SPIRE2: variants seen among roughly 807,000 people sequenced by gnomAD.
SPIRE2 encodes the protein protein spire homolog 2.
A neutral mutation model predicts 80.7 loss-of-function variants in SPIRE2; 76 were observed. That is an observed-to-expected ratio of 0.94 (90% CI 0.78 to 1.14). SPIRE2 has a LOEUF of 1.14. Ranked by LOEUF, SPIRE2 falls within the 50% of genes most tolerant of loss-of-function variation. The pLI, the probability that SPIRE2 is intolerant of heterozygous loss-of-function variation, is 0.00. For synonymous variants in SPIRE2, 535 were observed against 432.6 expected (o/e 1.24, Z -2.94); for missense variants, 1,196 against 1,015.3 (o/e 1.18, Z -2.42).
chr16:89,854,570 C>A lies in SPIRE2; in HGVS notation c.810C>A (p.Leu270=), dbSNP rs377704786. 2 of 1,612,660 alleles carry A rather than the reference C, an allele frequency of 1.2e-6. No individual in the cohort carries two copies. Among genetic ancestry groups the A allele is most frequent in the African/African-American group, 2.7e-5 (2 of 74,932 alleles). ...TGCAAGAGCAGGAGTTCAACCCCCT[C>A]CCCACCGAGTTCCAGCTCACGCCCT... is the stretch of plus-strand genomic sequence containing the variant. ...KKVQEQEFNP[L]PTEFQLTPFE... Residue 270 remains leucine, a synonymous_variant, in exon 5 of 15, where the codon CTC becomes CTA. Transcript: ENST00000378247.
At chr16:89,859,762 T>C (rs1343939580) in intron 9 of SPIRE2, among the ~76,000 whole-genome samples, 2 of 152,058 alleles carry the variant, frequency 1.3e-5, no homozygotes, top group Non-Finnish European at 2.9e-5. Flanking sequence ...TTCGACTCCT[T>C]TTCGCGCTGC....
At chr16:89,829,525 A>C (rs902852159) in intron 1 of SPIRE2, among the ~76,000 whole-genome samples, 1 of 152,234 alleles carries the variant, frequency 6.6e-6, no homozygotes, top group Non-Finnish European at 1.5e-5. Flanking sequence ...GGGCAGAGGC[A>C]GGCTGTGTGT....
At chr16:89,849,958 C>A (rs1266039008) in intron 2 of SPIRE2, 1 of 391,796 alleles carries the variant, frequency 2.6e-6, no homozygotes, top group African/African-American at 2.1e-5. Context: ...CTGCCTCAGC[C>A]TCCCAAGTAA....
rs1318620243 is a variant in SPIRE2, at chr16:89,863,631, G to A, written c.1710+21G>A. ...GGAAGGTGAGGCTGCCTAGACGTGG[G>A]GCTACGCTCTTGCCCGCTGGGTCAG... On this transcript the variant is annotated intron_variant, in intron 11 of 14. Transcript: ENST00000378247. The surrounding 1 kb of genome is among the most constrained non-coding windows in gnomAD (Gnocchi z 4.3). 1 of 1,613,900 alleles carries A rather than the reference G, an allele frequency of 6.2e-7. No individual in the cohort carries two copies. The highest frequency in any genetic ancestry group is 1.3e-5 in the African/African-American group (1 of 74,928).
intron 2 of SPIRE2, chr16:89,846,810 C>G (rs1190882248): frequency 8.6e-6 from 1 of 116,720 alleles, no homozygotes; most frequent in Non-Finnish European, 1.7e-5. Flanking sequence ...CACGCCCAGC[C>G]TTTTTTTTTT....
Position 89,859,162 on chromosome 16 carries a change from C to T in SPIRE2, c.1273-3C>T, listed in dbSNP as rs2041719725. 1 of 1,564,096 alleles carries T rather than the reference C, an allele frequency of 6.4e-7. No homozygotes were observed. The highest frequency in any genetic ancestry group is 8.7e-7 in the Non-Finnish European group (1 of 1,150,844). ...GGCAGGGCCGCGTCTGGTGTGTCCA[C>T]AGGAAGAAGAGTCTCCGTGTGGGGA... On this transcript the variant is annotated splice_region_variant and splice_polypyrimidine_tract_variant and intron_variant, in intron 8 of 14. Coordinates refer to ENST00000378247, the MANE Select transcript of SPIRE2 (RefSeq NM_032451.2).
chr16:89,848,566 T>C (rs2041587616), intron 2 of SPIRE2, among the ~76,000 whole-genome samples: 1 of 145,220 alleles, frequency 6.9e-6, no homozygotes. Context: ...TCCAGGGCCT[T>C]CTACAGTATT....
Position 89,854,285 on chromosome 16 carries a change from G to A in SPIRE2, c.646-1G>A. The A allele has an allele frequency of 6.2e-7, 1 of 1,611,784 alleles. No homozygotes were observed. Among genetic ancestry groups the A allele is most frequent in the Middle Eastern group, 1.7e-4 (1 of 6,060 alleles). ...GGACTGACGAGCACGTGTGGTCACAGATGCTGCAGAAGCTTCGGGAGGACG... is the reference window on the plus strand; with the variant it reads ...GGACTGACGAGCACGTGTGGTCACAAATGCTGCAGAAGCTTCGGGAGGACG... On this transcript the variant is annotated splice_acceptor_variant, in intron 3 of 14. Coordinates refer to ENST00000378247, the MANE Select transcript of SPIRE2 (RefSeq NM_032451.2). LOFTEE classifies it high-confidence loss of function.
intron 1 of SPIRE2, chr16:89,836,162 G>C: frequency 2.2e-6 from 1 of 455,668 alleles, no homozygotes; most frequent in Non-Finnish European, 4.4e-6. Flanking sequence ...GCGACACAGT[G>C]AGACTCCATT....
intron 2 of SPIRE2, 195 bp downstream of exon 2, chr16:89,845,560 G>A (rs951941090): frequency 1.3e-5 from 9 of 709,740 alleles, no homozygotes; most frequent in Non-Finnish European, 2.3e-5. Flanking sequence ...GGAGACCGCC[G>A]GGGTGGGGAG....
Position 89,845,307 on chromosome 16 carries a change from CCTCTT to C in SPIRE2, c.245-9_245-5del, listed in dbSNP as rs766515650. On this transcript the variant is annotated splice_polypyrimidine_tract_variant and intron_variant, in intron 1 of 14. Transcript: ENST00000378247. ...GGGATGCTGACAAATAACTTAACTC[CCTCTT>C]CTCTTACAGAACCTGCAACCATGGT... 2.3e-3 allele frequency: 3,681 copies of C among 1,613,872 alleles called. 8 individuals carry two copies. Among genetic ancestry groups the C allele is most frequent in the Non-Finnish European group, 2.9e-3 (3,467 of 1,179,782 alleles).
Position 89,860,949 on chromosome 16 carries a change from G to A in SPIRE2, c.1575+154G>A, listed in dbSNP as rs370027813. Among the ~76,000 whole-genome samples the A allele has an allele frequency of 7.8e-3, 1,195 of 152,272 alleles. 9 individuals carry two copies. Among genetic ancestry groups the A allele is most frequent in the Middle Eastern group, 0.037 (11 of 294 alleles). ...TGGGGGGGCGCGGTCTGAACATGGG[G>A]CACCAGTGGTGGAGCTGCTGGTCTG... On this transcript the variant is annotated intron_variant, in intron 10 of 14. Transcript: ENST00000378247.
chr16:89,871,305 G>A lies in SPIRE2; in HGVS notation c.*1033G>A, dbSNP rs1001772901. 1.3e-5 allele frequency: 2 copies of A among 152,288 alleles called. No homozygotes were observed. Among genetic ancestry groups the A allele is most frequent in the Non-Finnish European group, 2.9e-5 (2 of 68,084 alleles). The allele number at this position is 152,288 out of a possible 1,614,324, so 9.4% of individuals were successfully genotyped here. A position where few individuals can be genotyped will look rare whatever the true frequency, so the allele number is the denominator to read the frequency against. ...ACATGGCCACTCTTGGCCTAATAAA[G>A]GAGGTCTCACAGTCTTCTGTCTGGG... On this transcript the variant is annotated 3_prime_UTR_variant, in exon 15 of 15. Transcript: ENST00000378247.
intron 2 of SPIRE2, among the ~76,000 whole-genome samples, chr16:89,849,154 G>A (rs561244040): frequency 3.3e-5 from 5 of 152,378 alleles, no homozygotes; most frequent in Admixed American, 3.3e-4. Context: ...GAAATGAGAG[G>A]CCAAAGGGCC....
Position 89,830,973 on chromosome 16 carries a change from A to G in SPIRE2, c.244+2179A>G, listed in dbSNP as rs192369726. Among the ~76,000 whole-genome samples, 161 of 144,722 alleles carry G rather than the reference A, an allele frequency of 1.1e-3. 3 individuals are homozygous for G. Among genetic ancestry groups the G allele is most frequent in the African/African-American group, 3.8e-3 (151 of 39,404 alleles). The allele number at this position is 144,722 out of a possible 152,430, so 94.9% of individuals were successfully genotyped here. A position where few individuals can be genotyped will look rare whatever the true frequency, so the allele number is the denominator to read the frequency against. ...TGCCCAGGCTGGAGTGCAGCGGCAC[A>G]ATCTCTGCTCACTGCAAGCTCCACC... On this transcript the variant is annotated intron_variant, in intron 1 of 14. Coordinates refer to ENST00000378247, the MANE Select transcript of SPIRE2 (RefSeq NM_032451.2).
intron 2 of SPIRE2, among the ~76,000 whole-genome samples, chr16:89,847,761 T>A (rs942904265): frequency 6.6e-6 from 1 of 152,244 alleles, no homozygotes; most frequent in Non-Finnish European, 1.5e-5. Context: ...ACTGGCTGCC[T>A]GCCCAGAATT....
In SPIRE2 at chr16:89,860,757, G is replaced by A. The variant is rs753031369; in HGVS notation, c.1537G>A (p.Glu513Lys). 2.5e-5 allele frequency: 40 copies of A among 1,571,360 alleles called. No homozygotes were observed. Among genetic ancestry groups the A allele is most frequent in the Middle Eastern group, 1.7e-4 (1 of 5,906 alleles). ...SNRGSSGDRP[E>K]ASMTPDAKHL... ...CCGGGGCTCCTCGGGGGACAGACCC[G>A]AGGCCTCCATGACCCCCGATGCCAA... The change falls in exon 10 of 15, where the codon GAG (glutamate) becomes AAG (lysine). Residue 513 changes from glutamate to lysine, a missense_variant. Transcript: ENST00000378247.
At chr16:89,845,873 G>GT (rs934994496) in intron 2 of SPIRE2, 76 of 517,414 alleles carry the variant, frequency 1.5e-4, no homozygotes, top group South Asian at 3.5e-4. Context: ...TTCTTTCTTT[G>GT]TTTTTTTTGC....
At chr16:89,851,255 G>C (rs1340675911) in intron 3 of SPIRE2, among the ~76,000 whole-genome samples, 1 of 152,154 alleles carries the variant, frequency 6.6e-6, no homozygotes, top group East Asian at 1.9e-4. Context: ...ATCTGCAAGA[G>C]AGCGCCCTTC....
Sources: allele counts gnomAD v4.1 joint callset (sites outside exome capture counted in the v4.1 genomes callset), GRCh38; gene constraint gnomAD v4.1.1; non-coding constraint Gnocchi (gnomAD v3.1); transcripts MANE v1.5; gene names NCBI Gene and HGNC (gene_info 2026-07-23, HGNC 2026-07-21).